RPGRIP1L: variants seen among roughly 807,000 people sequenced by gnomAD.
RPGRIP1L encodes protein fantom.
In RPGRIP1L, 131 loss-of-function variants were observed where a neutral mutation model predicts 160.4. The ratio of observed to expected loss-of-function variants is 0.82; its 90% CI spans 0.71 to 0.94. RPGRIP1L has a LOEUF of 0.94. Ranked by LOEUF, RPGRIP1L falls within the 40% of genes least tolerant of loss-of-function variation. RPGRIP1L has a pLI of 0.00. For synonymous variants in RPGRIP1L, 510 were observed against 515.8 expected, an observed-to-expected ratio of 0.99 and a Z score of 0.15; for missense variants, 1,522 against 1,535.8, an observed-to-expected ratio of 0.99 and a Z score of 0.15.
chr16:53,613,449 G>C (rs1442970786), intron 24 of RPGRIP1L, among the ~76,000 whole-genome samples: 1 of 151,936 alleles, frequency 6.6e-6, no homozygotes, highest in Non-Finnish European at 1.5e-5. Context: ...CCCCCTGGTA[G>C]CTGGGACTAC....
intron 4 of RPGRIP1L, among the ~76,000 whole-genome samples, chr16:53,689,748 C>T (rs551124156): frequency 6.6e-6 from 1 of 152,116 alleles, no homozygotes; most frequent in Non-Finnish European, 1.5e-5. Flanking sequence ...GTTAAAGTGT[C>T]AGTTTTGGTA....
At chr16:53,605,069 T>C (rs1229753366) in intron 26 of RPGRIP1L, among the ~76,000 whole-genome samples, 1 of 151,802 alleles carries the variant, frequency 6.6e-6, no homozygotes, top group Non-Finnish European at 1.5e-5. Flanking sequence ...TAGTCCCAGA[T>C]ACCTGGGAGG....
Position 53,657,291 on chromosome 16 carries a change from C to G in RPGRIP1L, c.1581+162G>C, listed in dbSNP as rs72803648. Among the ~76,000 whole-genome samples, 4,805 of 151,684 alleles carry G rather than the reference C, an allele frequency of 0.032. 157 individuals are homozygous for G. The highest frequency in any genetic ancestry group is 0.14 in the East Asian group (702 of 5,174). ...ATTATTTGTTTTAAAACTATTTATT[C>G]TAACTAAGTACCTAGTTATAAGGCT... is the stretch of plus-strand genomic sequence containing the variant. On this transcript the variant is annotated intron_variant, in intron 13 of 26. Coordinates refer to ENST00000647211, the MANE Select transcript of RPGRIP1L (RefSeq NM_015272.5).
rs765876839 is a variant in RPGRIP1L at position 53,692,317 on chromosome 16, T to A, written c.278A>T (p.Glu93Val). The part of the protein sequence containing the change: ...IRLVNDKKRY[E>V]RVGGGPKRLG... Reference sequence around the variant, plus strand: ...CCGCTTGGGGCCGCCACCAACCCGCTCATATCTTTTCTTGTCATTAACTAG... The same window carrying A: ...CCGCTTGGGGCCGCCACCAACCCGCACATATCTTTTCTTGTCATTAACTAG... The change falls in exon 4 of 27, where the codon GAG becomes GTG. Residue 93 changes from glutamate (E) to valine (V), a missense_variant. Coordinates refer to ENST00000647211, the MANE Select transcript of RPGRIP1L (RefSeq NM_015272.5). 5.0e-6 allele frequency: 8 copies of A among 1,614,056 alleles called. No individual in the cohort carries two copies. The South Asian group carries it at 8.8e-5, about 18-fold the overall frequency.
rs1200483935 is a variant in RPGRIP1L at position 53,600,191 on chromosome 16, C to A, written c.*1885G>T. 2.0e-5 allele frequency: 3 copies of A among 152,572 alleles called. No homozygotes were observed. The highest frequency in any genetic ancestry group is 2.9e-5 in the Non-Finnish European group (2 of 68,046). The allele number at this position is 152,572 out of a possible 1,614,324, so 9.5% of individuals were successfully genotyped here. On this transcript the variant is annotated 3_prime_UTR_variant, in exon 27 of 27. Coordinates refer to ENST00000647211, the MANE Select transcript of RPGRIP1L (RefSeq NM_015272.5). ...GTCTCAAAAACCACTCAGTTAATCC[C>A]AGGGTATAATCTGGCTGTTTTAAAT...
intron 7 of RPGRIP1L, among the ~76,000 whole-genome samples, chr16:53,673,966 G>A (rs942914145): frequency 4.6e-5 from 7 of 152,132 alleles, no homozygotes; most frequent in African/African-American, 1.7e-4. Context: ...AAAGTGATAA[G>A]AGAATGTAAA....
Position 53,647,643 on chromosome 16 carries a change from C to T in RPGRIP1L, c.2304+1321G>A, listed in dbSNP as rs549481902. On this transcript the variant is annotated intron_variant, in intron 16 of 26. Coordinates refer to ENST00000647211, the MANE Select transcript of RPGRIP1L (RefSeq NM_015272.5). ...AGTGAAAGAAAATGGGATCTGCTAA[C>T]GCAAACCTGGCCACTGGGAGCCCAG... Among the ~76,000 whole-genome samples, 13 of 152,250 alleles carry T rather than the reference C, an allele frequency of 8.5e-5. No homozygotes were observed. The South Asian group carries it at 1.9e-3, about 22-fold the overall frequency.
At chr16:53,671,408 G>A in intron 9 of RPGRIP1L, 102 bp downstream of exon 9, 1 of 753,248 alleles carries the variant, frequency 1.3e-6, no homozygotes, top group Non-Finnish European at 2.3e-6. Context: ...ATCATTTGTT[G>A]CTAATTCTTT....
chr16:53,625,043 G>T (rs964831404), intron 22 of RPGRIP1L, among the ~76,000 whole-genome samples: 4 of 152,172 alleles, frequency 2.6e-5, no homozygotes, highest in Non-Finnish European at 5.9e-5. Flanking sequence ...CGGGATTGCA[G>T]ACGGAGTCTC....
intron 1 of RPGRIP1L, among the ~76,000 whole-genome samples, chr16:53,701,113 C>A (rs1971358909): frequency 6.6e-6 from 1 of 152,208 alleles, no homozygotes; most frequent in South Asian, 2.1e-4. Flanking sequence ...CACCTAAACT[C>A]TCTGAGTTTC....
chr16:53,686,170 TG>T (rs1395871400), intron 6 of RPGRIP1L, among the ~76,000 whole-genome samples: 1 of 152,090 alleles, frequency 6.6e-6, no homozygotes, highest in Non-Finnish European at 1.5e-5. Context: ...TCTTGGCAAA[TG>T]GGGTAAATGA....
intron 2 of RPGRIP1L, among the ~76,000 whole-genome samples, chr16:53,697,622 T>C (rs1411227245): frequency 6.6e-6 from 1 of 152,132 alleles, no homozygotes; most frequent in African/African-American, 2.4e-5. Flanking sequence ...CCTCGGCCTC[T>C]GGAGGTGCCG....
chr16:53,675,240 G>A, intron 6 of RPGRIP1L, 118 bp from the exon 7 acceptor site: 1 of 687,380 alleles, frequency 1.5e-6, no homozygotes, highest in South Asian at 1.6e-5. Flanking sequence ...TTATATACTT[G>A]TACATCAGTC....
chr16:53,624,566 GCTA>G (rs1214813434), intron 22 of RPGRIP1L, among the ~76,000 whole-genome samples: 2 of 151,890 alleles, frequency 1.3e-5, no homozygotes, highest in African/African-American at 4.8e-5. Flanking sequence ...GAAATTATGT[GCTA>G]CTAAGTTTTG....
At position 53,676,798 on chromosome 16, in the gene RPGRIP1L, G is replaced by A. The variant is rs916939231; in HGVS notation, c.777-1676C>T. 2.6e-5 allele frequency among the ~76,000 whole-genome samples: 4 copies of A among 151,900 alleles called. No individual in the cohort carries two copies. In the East Asian group the frequency reaches 7.8e-4, roughly 30 times the overall value. The stretch of plus-strand genomic sequence containing the variant: ...CAGGCGCGTGCCACCATGCACAGCT[G>A]ATTTTTTTGTATTTTTAGTAGAGAC... On this transcript the variant is annotated intron_variant, in intron 6 of 26. Transcript: ENST00000647211.
chr16:53,627,320 T>G (rs539790905), intron 22 of RPGRIP1L, among the ~76,000 whole-genome samples: 3 of 152,342 alleles, frequency 2.0e-5, no homozygotes, highest in African/African-American at 7.2e-5. Context: ...CAGGTGAGCT[T>G]AATTTTATTC....
intron 10 of RPGRIP1L, among the ~76,000 whole-genome samples, chr16:53,661,314 A>G (rs1967776394): frequency 6.6e-6 from 1 of 152,080 alleles, no homozygotes; most frequent in Non-Finnish European, 1.5e-5. Flanking sequence ...AAAAAAAAGA[A>G]TATCCAAATG....
At position 53,656,467 on chromosome 16, in the gene RPGRIP1L, T is replaced by C. The variant is rs865956479; in HGVS notation, c.1699+5A>G. 1.3e-6 allele frequency: 2 copies of C among 1,579,522 alleles called. No individual in the cohort carries two copies. The highest frequency in any genetic ancestry group is 1.7e-5 in the Admixed American group (1 of 59,976). The stretch of plus-strand genomic sequence containing the variant: ...CTGTGGACCAAAAAATCGTATATGT[T>C]GTACCTTCTAGTTTATGGATACGTG... On this transcript the variant is annotated splice_donor_5th_base_variant and intron_variant, in intron 14 of 26. Coordinates refer to ENST00000647211, the MANE Select transcript of RPGRIP1L (RefSeq NM_015272.5).
intron 9 of RPGRIP1L, among the ~76,000 whole-genome samples, chr16:53,670,825 T>A (rs1437884313): frequency 6.6e-6 from 1 of 152,182 alleles, no homozygotes; most frequent in East Asian, 1.9e-4. Context: ...CTGGGCGCAG[T>A]GGCTCACCCC....
Sources: gnomAD v4.1 joint callset for allele counts (sites outside exome capture counted in the v4.1 genomes callset) on GRCh38, gnomAD v4.1.1 for gene constraint, MANE v1.5 for transcripts, NCBI Gene and HGNC (gene_info 2026-07-23, HGNC 2026-07-21) for gene names.